MAP3K20: variants seen among roughly 807,000 people sequenced by gnomAD.
MAP3K20 encodes HCCS-4.
Under a neutral mutation model 85.7 loss-of-function variants are expected in MAP3K20, and 40 were observed. That is an observed-to-expected ratio of 0.47 (90% confidence interval 0.36 to 0.61). The LOEUF is 0.61. Ranked by LOEUF, MAP3K20 falls within the 20% of genes least tolerant of loss-of-function variation. The pLI is 0.00. For synonymous variants in MAP3K20, 325 were observed against 327.7 expected (o/e 0.99, Z 0.09); for missense variants, 817 against 961.7 (o/e 0.85, Z 1.99).
intron 11 of MAP3K20, chr2:173,222,029 C>G (rs1684266456): frequency 1.0e-6 from 1 of 972,510 alleles, no homozygotes; most frequent in African/African-American, 1.8e-5. Flanking sequence ...CTAGTAAGAC[C>G]TCGTCTCTAC....
chr2:173,221,265 G>A (rs1335962707), intron 11 of MAP3K20: 2 of 1,613,904 alleles, frequency 1.2e-6, no homozygotes, highest in African/African-American at 1.3e-5. Context: ...AACGGGGAGG[G>A]CCATGGCATG....
At chr2:173,087,341 A>T (rs536999898) in intron 1 of MAP3K20, among the ~76,000 whole-genome samples, 1 of 152,312 alleles carries the variant, frequency 6.6e-6, no homozygotes, top group East Asian at 1.9e-4. Flanking sequence ...TGAAGCAGAG[A>T]CACTAGCCTG....
chr2:173,205,589 T>G (rs1384013952), intron 9 of MAP3K20, among the ~76,000 whole-genome samples: 2 of 152,168 alleles, frequency 1.3e-5, no homozygotes, highest in Non-Finnish European at 2.9e-5. Context: ...CTTCTTGGCT[T>G]GGCTTGGCTT....
At chr2:173,085,523 A>T (rs898656242) in intron 1 of MAP3K20, among the ~76,000 whole-genome samples, 1 of 152,162 alleles carries the variant, frequency 6.6e-6, no homozygotes, top group South Asian at 2.1e-4. Flanking sequence ...TAAATTAAAA[A>T]TTTTTTGACA....
intron 11 of MAP3K20, chr2:173,226,396 A>G (rs1684389733): frequency 1.1e-5 from 11 of 985,288 alleles, no homozygotes; most frequent in East Asian, 1.1e-4. Flanking sequence ...TCATCATACC[A>G]CATATATAAC....
Position 173,206,525 on chromosome 2 carries a change from T to C in MAP3K20, c.744+2655T>C, listed in dbSNP as rs139812865. ...CTGCTGATCTCCTCTAGACACACCT[T>C]ACATACTTTCATTCCCAAACAAGTT... On this transcript the variant is annotated intron_variant, in intron 9 of 19. Coordinates refer to ENST00000375213, the MANE Select transcript of MAP3K20 (RefSeq NM_016653.3). 2.0e-5 allele frequency among the ~76,000 whole-genome samples: 3 copies of C among 152,340 alleles called. No individual in the cohort carries two copies. The East Asian group carries it at 5.8e-4, about 29-fold the overall frequency.
At chr2:173,226,607 TCA>T (rs1241097443) in intron 11 of MAP3K20, 10 of 985,738 alleles carry the variant, frequency 1.0e-5, no homozygotes, top group Non-Finnish European at 1.2e-5. Flanking sequence ...CCGTGTTTTC[TCA>T]GACTCCACCT....
At chr2:173,243,654 TTC>T (rs1684845325) in intron 16 of MAP3K20, among the ~76,000 whole-genome samples, 1 of 152,122 alleles carries the variant, frequency 6.6e-6, no homozygotes, top group Non-Finnish European at 1.5e-5. Flanking sequence ...ATCTCGCTCT[TTC>T]GCCCAGGCCA....
At chr2:173,186,935 A>G (rs1400863081) in intron 4 of MAP3K20, among the ~76,000 whole-genome samples, 1 of 152,242 alleles carries the variant, frequency 6.6e-6, no homozygotes, top group Non-Finnish European at 1.5e-5. Context: ...TCCTTGTAAA[A>G]GGAATGAAAT....
chr2:173,249,380 C>T (rs911824625), intron 16 of MAP3K20, among the ~76,000 whole-genome samples: 4 of 152,170 alleles, frequency 2.6e-5, no homozygotes, highest in Non-Finnish European at 5.9e-5. Context: ...TTAAAAAGCA[C>T]TATGTTGGAA....
At chr2:173,191,488 A>C (rs922151606) in intron 7 of MAP3K20, among the ~76,000 whole-genome samples, 1 of 152,158 alleles carries the variant, frequency 6.6e-6, no homozygotes, top group Non-Finnish European at 1.5e-5. Flanking sequence ...TGGTAATGTG[A>C]CTGTGGACTC....
chr2:173,241,258 T>G (rs1212183968), intron 16 of MAP3K20, among the ~76,000 whole-genome samples: 1 of 152,174 alleles, frequency 6.6e-6, no homozygotes, highest in Non-Finnish European at 1.5e-5. Context: ...CACAAAGAAA[T>G]GAGGTAATGG....
intron 19 of MAP3K20, among the ~76,000 whole-genome samples, chr2:173,264,838 G>T (rs561838300): frequency 6.6e-6 from 1 of 152,298 alleles, no homozygotes; most frequent in African/African-American, 2.4e-5. Flanking sequence ...ACAAGTGGCG[G>T]TCAGGGGGCA....
chr2:173,084,360 C>T (rs1383602538), intron 1 of MAP3K20, among the ~76,000 whole-genome samples: 2 of 151,582 alleles, frequency 1.3e-5, no homozygotes. Flanking sequence ...TGCTCCAGCA[C>T]CCTACCAAAG....
intron 3 of MAP3K20, among the ~76,000 whole-genome samples, chr2:173,177,572 C>T (rs1690199319): frequency 6.6e-6 from 1 of 151,384 alleles, no homozygotes; most frequent in Admixed American, 6.6e-5. Context: ...CTCGGCCTCC[C>T]GAGTAGCCAC....
chr2:173,130,011 A>C (rs1024946762), intron 2 of MAP3K20, among the ~76,000 whole-genome samples: 8 of 152,354 alleles, frequency 5.3e-5, no homozygotes, highest in African/African-American at 1.9e-4. Flanking sequence ...TCTAAAATTG[A>C]GGCAACATAA....
intron 19 of MAP3K20, among the ~76,000 whole-genome samples, chr2:173,264,786 A>G (rs1685374841): frequency 6.6e-6 from 1 of 152,116 alleles, no homozygotes; most frequent in Admixed American, 6.6e-5. Flanking sequence ...TGACGTATGT[A>G]AAGTAGTCAA....
intron 19 of MAP3K20, among the ~76,000 whole-genome samples, chr2:173,265,193 C>T (rs571889886): frequency 2.6e-5 from 4 of 152,322 alleles, no homozygotes; most frequent in African/African-American, 4.8e-5. Context: ...ATACTCTCCA[C>T]GCGCACTATC....
At chr2:173,229,813 T>C (rs1684480582) in intron 12 of MAP3K20, 80 bp downstream of exon 12, 4 of 1,503,974 alleles carry the variant, frequency 2.7e-6, no homozygotes, top group Non-Finnish European at 3.7e-6. Context: ...GGGGAAGAGA[T>C]TGGGCCTTAG....
Sources: allele counts gnomAD v4.1 joint callset (sites outside exome capture counted in the v4.1 genomes callset), GRCh38; gene constraint gnomAD v4.1.1; transcripts MANE v1.5; gene names NCBI Gene and HGNC (gene_info 2026-07-23, HGNC 2026-07-21).